Variants in RABGAP1L observed in about 807,000 individuals in gnomAD.
RABGAP1L encodes rab GTPase-activating protein 1-like.
RABGAP1L carries 63 observed loss-of-function variants against 137.7 expected under a neutral mutation model. The ratio of observed to expected loss-of-function variants is 0.46; its 90% CI spans 0.37 to 0.56. RABGAP1L has a LOEUF of 0.56. Ranked by LOEUF, RABGAP1L falls within the 20% of genes least tolerant of loss-of-function variation. The pLI is 0.00. For synonymous variants in RABGAP1L, 431 were observed against 433.7 expected, an observed-to-expected ratio of 0.99 and a Z score of 0.08; for missense variants, 1,095 against 1,244.0, an observed-to-expected ratio of 0.88 and a Z score of 1.80.
At chr1:174,583,020 C>T (rs1412274345) in intron 13 of RABGAP1L, among the ~76,000 whole-genome samples, 1 of 152,174 alleles carries the variant, frequency 6.6e-6, no homozygotes, top group African/African-American at 2.4e-5. Context: ...GGATTTATAT[C>T]AGATTCTATT....
chr1:174,889,975 A>C (rs1442659443), intron 19 of RABGAP1L, among the ~76,000 whole-genome samples: 1 of 152,182 alleles, frequency 6.6e-6, no homozygotes, highest in Non-Finnish European at 1.5e-5. Context: ...GCTGGGCTCA[A>C]GTGATCCTCC....
chr1:174,210,082 C>G (rs1156280409), intron 1 of RABGAP1L, among the ~76,000 whole-genome samples: 1 of 152,112 alleles, frequency 6.6e-6, no homozygotes, highest in Non-Finnish European at 1.5e-5. Context: ...CAGCTTAGAT[C>G]ACAACACCTA....
At chr1:174,516,936 T>TAAATAAAA (rs1413248427) in intron 13 of RABGAP1L, among the ~76,000 whole-genome samples, 1 of 146,478 alleles carries the variant, frequency 6.8e-6, no homozygotes, top group Non-Finnish European at 1.5e-5. Flanking sequence ...CAAAAATAAA[T>TAAATAAAA]AAATAAATAA....
chr1:174,636,187 G>C (rs1023088305), intron 13 of RABGAP1L, among the ~76,000 whole-genome samples: 1 of 151,976 alleles, frequency 6.6e-6, no homozygotes, highest in Non-Finnish European at 1.5e-5. Context: ...ACTCAATTTG[G>C]GGTTTTGGTT....
intron 13 of RABGAP1L, chr1:174,547,894 G>A (rs1666148400): frequency 6.5e-7 from 1 of 1,547,964 alleles, no homozygotes. Context: ...TAAATATGAA[G>A]GGTCTATGAA....
chr1:174,931,321 G>T (rs898781424), intron 19 of RABGAP1L, among the ~76,000 whole-genome samples: 2 of 152,144 alleles, frequency 1.3e-5, no homozygotes, highest in African/African-American at 4.8e-5. Flanking sequence ...TAATACCCTA[G>T]TTCTAAGCCT....
At chr1:174,446,006 A>T (rs565668492) in intron 13 of RABGAP1L, among the ~76,000 whole-genome samples, 1 of 152,326 alleles carries the variant, frequency 6.6e-6, no homozygotes, top group African/African-American at 2.4e-5. Context: ...TTTCAGCTGC[A>T]GTAGCCATTG....
At chr1:174,460,326 TAAA>T (rs1192297052) in intron 13 of RABGAP1L, among the ~76,000 whole-genome samples, 1 of 152,070 alleles carries the variant, frequency 6.6e-6, no homozygotes, top group Non-Finnish European at 1.5e-5. Context: ...TTTAAAATGA[TAAA>T]AAAGAGACTA....
intron 1 of RABGAP1L, among the ~76,000 whole-genome samples, chr1:174,169,738 G>C (rs189437324): frequency 6.6e-6 from 1 of 152,220 alleles, no homozygotes; most frequent in Admixed American, 6.5e-5. Context: ...TGCCCAGGCT[G>C]GAGTGCAGTG....
intron 13 of RABGAP1L, among the ~76,000 whole-genome samples, chr1:174,474,604 T>G (rs148184857): frequency 0.024 from 3,619 of 151,970 alleles, 138 homozygotes; most frequent in African/African-American, 0.083. Flanking sequence ...TGATTATTAT[T>G]ATTATTATTA....
chr1:174,481,972 GT>G (rs1180542162), intron 13 of RABGAP1L, among the ~76,000 whole-genome samples: 1 of 152,010 alleles, frequency 6.6e-6, no homozygotes, highest in Non-Finnish European at 1.5e-5. Flanking sequence ...AATTAAACCT[GT>G]TAATCAGTTG....
At chr1:174,267,198 T>G (rs1436817938) in intron 7 of RABGAP1L, among the ~76,000 whole-genome samples, 1 of 152,198 alleles carries the variant, frequency 6.6e-6, no homozygotes, top group Non-Finnish European at 1.5e-5. Context: ...AGACTGGAGA[T>G]TATGCAATTT....
chr1:174,521,917 A>G (rs2147849675), intron 13 of RABGAP1L, among the ~76,000 whole-genome samples: 1 of 152,250 alleles, frequency 6.6e-6, no homozygotes, highest in South Asian at 2.1e-4. Context: ...CATCTCTACT[A>G]AAAATACAAA....
At chr1:174,718,277 G>T (rs1681186337) in intron 17 of RABGAP1L, among the ~76,000 whole-genome samples, 1 of 152,180 alleles carries the variant, frequency 6.6e-6, no homozygotes, top group Non-Finnish European at 1.5e-5. Flanking sequence ...GAAAGGGAAA[G>T]AAAACCACTT....
chr1:174,500,304 T>G (rs1661141982), intron 13 of RABGAP1L, among the ~76,000 whole-genome samples: 1 of 152,160 alleles, frequency 6.6e-6, no homozygotes, highest in Non-Finnish European at 1.5e-5. Flanking sequence ...GGTCTCAAAC[T>G]TCTGACCTCA....
At chr1:174,786,515 T>G (rs1264328032) in intron 18 of RABGAP1L, among the ~76,000 whole-genome samples, 2 of 152,236 alleles carry the variant, frequency 1.3e-5, no homozygotes, top group African/African-American at 2.4e-5. Context: ...CATATGGGTT[T>G]GTTCACTGAT....
At chr1:174,957,948 A>C (rs1301147929) in intron 20 of RABGAP1L, 1 of 1,574,378 alleles carries the variant, frequency 6.4e-7, no homozygotes, top group Non-Finnish European at 8.6e-7. Context: ...CTTCATAAGA[A>C]GCTGAGAGAA....
rs752036753 is a variant in RABGAP1L, at chr1:174,863,234, A to AAAAAAAAAG, written c.2340+51282_2340+51283insGAAAAAAAA. On this transcript the variant is annotated intron_variant, in intron 19 of 25. Transcript: ENST00000681986. ...AATTTGTACATGAGTTGTTTGTAGC[A>AAAAAAAAAG]AAAAAAAAAAAAAAGAAAAACAGTA... Among the ~76,000 whole-genome samples, 22 of 14,324 alleles carry AAAAAAAAAG rather than the reference A, an allele frequency of 1.5e-3. 1 individual carries two copies. The highest frequency in any genetic ancestry group is 3.2e-3 in the East Asian group (4 of 1,250). 9.4% of individuals were successfully genotyped at this position (14,324 alleles called of 152,430 possible). A position where few individuals can be genotyped will look rare whatever the true frequency, so the allele number is the denominator to read the frequency against.
chr1:174,611,199 T>G (rs2148211773), intron 13 of RABGAP1L, among the ~76,000 whole-genome samples: 1 of 146,492 alleles, frequency 6.8e-6, no homozygotes, highest in South Asian at 2.2e-4. Flanking sequence ...GTCTAACATT[T>G]AAGTCTTTTA....
Sources: allele counts gnomAD v4.1 joint callset (sites outside exome capture counted in the v4.1 genomes callset), GRCh38; gene constraint gnomAD v4.1.1; transcripts MANE v1.5; gene names NCBI Gene and HGNC (gene_info 2026-07-23, HGNC 2026-07-21).